ATP2B2: variants seen among roughly 807,000 people sequenced by gnomAD.
The protein encoded by ATP2B2 is ATPase plasma membrane Ca2+ transporting 2, also known as plasma membrane calcium-transporting ATPase 2.
Under a neutral mutation model 120.0 loss-of-function variants are expected in ATP2B2, and 15 were observed. That is an observed-to-expected ratio of 0.12 (90% CI 0.08 to 0.19). ATP2B2 has a LOEUF of 0.19. Ranked by LOEUF, ATP2B2 falls within the 10% of genes least tolerant of loss-of-function variation. The pLI, the probability that ATP2B2 is intolerant of heterozygous loss-of-function variation, is 1.00. For synonymous variants in ATP2B2, 694 were observed against 700.3 expected (o/e 0.99, Z 0.14); for missense variants, 1,045 against 1,719.8 (o/e 0.61, Z 6.94).
chr3:10,543,985 T>C (rs1281084901), intron 2 of ATP2B2, among the ~76,000 whole-genome samples: 1 of 152,182 alleles, frequency 6.6e-6, no homozygotes, highest in Non-Finnish European at 1.5e-5. Context: ...GTGATCCGCT[T>C]GCCTCGGCCT....
chr3:10,486,328 T>TGC (rs1553616090), intron 1 of ATP2B2, among the ~76,000 whole-genome samples: 14 of 115,682 alleles, frequency 1.2e-4, no homozygotes, highest in Admixed American at 6.0e-4. Context: ...TGCGTGCGTG[T>TGC]GTGTGTGTGT....
chr3:10,349,459 A>C (rs2125407001), intron 16 of ATP2B2, among the ~76,000 whole-genome samples: 1 of 152,172 alleles, frequency 6.6e-6, no homozygotes. Context: ...TGTCTCAAAT[A>C]AAATAAAATA....
intron 5 of ATP2B2, among the ~76,000 whole-genome samples, chr3:10,398,760 A>G (rs2062125253): frequency 6.6e-6 from 1 of 152,074 alleles, no homozygotes; most frequent in African/African-American, 2.4e-5. Context: ...ACACACAGCC[A>G]GAGAGCTCCC....
intron 1 of ATP2B2, among the ~76,000 whole-genome samples, chr3:10,495,847 C>G (rs2066125624): frequency 6.6e-6 from 1 of 152,220 alleles, no homozygotes; most frequent in South Asian, 2.1e-4. Flanking sequence ...AGTCTTGGTC[C>G]TGGAAGTTAT....
chr3:10,421,222 G>A (rs562188845), intron 2 of ATP2B2, among the ~76,000 whole-genome samples: 3 of 152,282 alleles, frequency 2.0e-5, no homozygotes, highest in African/African-American at 7.2e-5. Context: ...TTTGAGCCTC[G>A]CCAACAACCC....
intron 1 of ATP2B2, among the ~76,000 whole-genome samples, chr3:10,494,167 C>T (rs1190447396): frequency 1.3e-5 from 2 of 151,890 alleles, no homozygotes; most frequent in Non-Finnish European, 2.9e-5. Flanking sequence ...CATGGGGGGT[C>T]TATGGGGAAG....
chr3:10,651,246 C>T (rs777036749), intron 1 of ATP2B2, among the ~76,000 whole-genome samples: 5 of 152,044 alleles, frequency 3.3e-5, no homozygotes. Flanking sequence ...TAGGGAGGGG[C>T]CAGATGTGGA....
rs551533578 is a variant in ATP2B2 at position 10,368,261 on chromosome 3, T to C, written c.1659+3548A>G. ...ATGCTGCCTGGATGGCTGAGGGTAG[T>C]TGTGGAAGAGACCAGCTCAACAAGC... On this transcript the variant is annotated intron_variant, in intron 12 of 22. Coordinates refer to ENST00000360273, the MANE Select transcript of ATP2B2 (RefSeq NM_001001331.4). Among the ~76,000 whole-genome samples the C allele has an allele frequency of 5.3e-5, 8 of 152,206 alleles. 1 individual carries two copies. In the East Asian group the frequency reaches 7.7e-4, roughly 15 times the overall value.
intron 1 of ATP2B2, among the ~76,000 whole-genome samples, chr3:10,671,964 G>A (rs951016714): frequency 4.6e-5 from 7 of 152,216 alleles, no homozygotes; most frequent in Admixed American, 1.3e-4. Context: ...CCTGCAGTTT[G>A]CACTGTGGGC....
At chr3:10,408,906 C>G (rs910411747) in intron 3 of ATP2B2, among the ~76,000 whole-genome samples, 1 of 152,116 alleles carries the variant, frequency 6.6e-6, no homozygotes, top group Non-Finnish European at 1.5e-5. Flanking sequence ...GGGACAGGAC[C>G]GAGGAGCCAG....
rs534109696 is a variant in ATP2B2 at position 10,504,037 on chromosome 3, C to G, written c.-320+1428G>C. Among the ~76,000 whole-genome samples, 9 of 152,322 alleles carry G rather than the reference C, an allele frequency of 5.9e-5. No homozygotes were observed. In the South Asian group the frequency reaches 1.9e-3, roughly 32 times the overall value. ...ATATGATTTGGACATATATGACGCA[C>G]TACTTATGGGTACTATATTTGTATC... On this transcript the variant is annotated intron_variant, in intron 1 of 22. Coordinates refer to ENST00000360273, the MANE Select transcript of ATP2B2 (RefSeq NM_001001331.4).
chr3:10,378,887 C>T (rs1485483839), intron 9 of ATP2B2, among the ~76,000 whole-genome samples: 1 of 152,186 alleles, frequency 6.6e-6, no homozygotes, highest in Non-Finnish European at 1.5e-5. Context: ...TCCCAGTTGG[C>T]GTGGCCTCTT....
intron 10 of ATP2B2, among the ~76,000 whole-genome samples, chr3:10,377,546 G>T (rs1424954752): frequency 6.6e-6 from 1 of 152,226 alleles, no homozygotes; most frequent in Non-Finnish European, 1.5e-5. Context: ...AGAGGGTCGG[G>T]GGCTCACTTT....
At position 10,407,179 on chromosome 3, in the gene ATP2B2, C is replaced by A. The variant is rs372090981; in HGVS notation, c.397+3439G>T. 3.9e-5 allele frequency among the ~76,000 whole-genome samples: 6 copies of A among 152,230 alleles called. 1 individual carries two copies. In the South Asian group the frequency reaches 8.3e-4, roughly 21 times the overall value. On this transcript the variant is annotated intron_variant, in intron 3 of 22. Transcript: ENST00000360273. ...TTGGAGCTCCAGTTCCCTCACCTGC[C>A]AGATGGGGTGGGGGTGGGGATGCTG...
In ATP2B2 at chr3:10,410,834, G is replaced by T; in HGVS notation, c.200-19C>A. ...GGCAAACCTGTGGACAGAGAACAGA[G>T]AGGTTGGCTGGGGGCCTGGGAGAGA... On this transcript the variant is annotated intron_variant, in intron 2 of 22. Transcript: ENST00000360273. 6.2e-7 allele frequency: 1 copy of T among 1,612,118 alleles called. No individual in the cohort carries two copies. Among genetic ancestry groups the T allele is most frequent in the South Asian group, 1.1e-5 (1 of 91,058 alleles).
At chr3:10,698,158 A>G (rs1189013335) in intron 1 of ATP2B2, among the ~76,000 whole-genome samples, 1 of 152,206 alleles carries the variant, frequency 6.6e-6, no homozygotes, top group African/African-American at 2.4e-5. Flanking sequence ...TGGTTTAGGC[A>G]TGGCCACGTG....
intron 1 of ATP2B2, among the ~76,000 whole-genome samples, chr3:10,504,653 G>A (rs1002850838): frequency 1.3e-5 from 2 of 151,902 alleles, no homozygotes; most frequent in South Asian, 2.1e-4. Flanking sequence ...GCTGCTGTCC[G>A]CAACCCACCC....
chr3:10,581,964 T>C (rs1196189065), intron 2 of ATP2B2, among the ~76,000 whole-genome samples: 2 of 152,212 alleles, frequency 1.3e-5, no homozygotes, highest in Admixed American at 1.3e-4. Flanking sequence ...CCCAACTTTT[T>C]CGCCCCAAAT....
At chr3:10,486,324 C>CGTGTGTGTGT (rs1553616064) in intron 1 of ATP2B2, among the ~76,000 whole-genome samples, 64 of 117,172 alleles carry the variant, frequency 5.5e-4, no homozygotes, top group South Asian at 7.7e-4. Flanking sequence ...TGTGTGCGTG[C>CGTGTGTGTGT]GTGTGTGTGT....
Sources: gnomAD v4.1 joint callset for allele counts (sites outside exome capture counted in the v4.1 genomes callset) on GRCh38, gnomAD v4.1.1 for gene constraint, MANE v1.5 for transcripts, NCBI Gene and HGNC (gene_info 2026-07-23, HGNC 2026-07-21) for gene names.